ANGPT1: variants seen among roughly 807,000 people sequenced by gnomAD.
The protein encoded by ANGPT1 is angiopoietin 1.
In ANGPT1, 17 loss-of-function variants were observed where a neutral mutation model predicts 62.2. The ratio of observed to expected loss-of-function variants is 0.27; its 90% CI spans 0.19 to 0.41. The LOEUF (loss-of-function observed/expected upper bound fraction) is 0.41. Among genes scored for constraint, ANGPT1 ranks in the 10% least tolerant of loss-of-function variants. The pLI, the probability that ANGPT1 is intolerant of heterozygous loss-of-function variation, is 1.00. For missense variants in ANGPT1, 478 were observed against 594.9 expected (o/e 0.80, Z 2.04); for synonymous variants, 199 against 198.9 (o/e 1.00, Z 0.00).
At position 107,318,463 on chromosome 8, in the gene ANGPT1, G is replaced by A. The variant is rs564780010; in HGVS notation, c.808+3433C>T. Among the ~76,000 whole-genome samples the A allele has an allele frequency of 9.9e-5, 15 of 152,270 alleles. 1 individual carries two copies. In the South Asian group the frequency reaches 3.1e-3, roughly 32 times the overall value. Reference sequence around the variant, plus strand: ...CAAATGTTTGGGAAAAAAAGTACATGTCTAGCCAACACTTCCTAGGAATTC... The same window carrying A: ...CAAATGTTTGGGAAAAAAAGTACATATCTAGCCAACACTTCCTAGGAATTC... On this transcript the variant is annotated intron_variant, in intron 4 of 8. Transcript: ENST00000517746.
At chr8:107,264,468 C>T in intron 7 of ANGPT1, 117 bp from the exon 8 acceptor site, 2 of 1,289,132 alleles carry the variant, frequency 1.6e-6, no homozygotes, top group Non-Finnish European at 1.0e-6. Flanking sequence ...TTGAACTCAG[C>T]CCTTCCAACA....
At chr8:107,270,652 T>C (rs1813714207) in intron 7 of ANGPT1, among the ~76,000 whole-genome samples, 1 of 152,068 alleles carries the variant, frequency 6.6e-6, no homozygotes, top group African/African-American at 2.4e-5. Context: ...ATCCTGGAGA[T>C]ATATTCTATA....
At chr8:107,315,388 C>T (rs558701870) in intron 4 of ANGPT1, among the ~76,000 whole-genome samples, 1 of 152,114 alleles carries the variant, frequency 6.6e-6, no homozygotes, top group Non-Finnish European at 1.5e-5. Context: ...TGTCCTTTCA[C>T]ATTCAAGTTT....
At chr8:107,327,634 C>T (rs1815319929) in intron 3 of ANGPT1, among the ~76,000 whole-genome samples, 2 of 152,088 alleles carry the variant, frequency 1.3e-5, no homozygotes, top group African/African-American at 4.8e-5. Context: ...TGGAACAACA[C>T]TTTATGAAAC....
chr8:107,440,875 C>T (rs563342268), intron 1 of ANGPT1, among the ~76,000 whole-genome samples: 4 of 152,204 alleles, frequency 2.6e-5, no homozygotes, highest in Admixed American at 1.3e-4. Context: ...ATGTCATATG[C>T]TTAACTTAAA....
At chr8:107,473,877 G>C (rs148321023) in intron 1 of ANGPT1, among the ~76,000 whole-genome samples, 102 of 151,970 alleles carry the variant, frequency 6.7e-4, no homozygotes, top group African/African-American at 2.2e-3. Flanking sequence ...AAAGGGAACG[G>C]GAATGGAATG....
chr8:107,279,141 AGTG>A (rs1563547120), intron 7 of ANGPT1, among the ~76,000 whole-genome samples: 1 of 152,178 alleles, frequency 6.6e-6, no homozygotes, highest in African/African-American at 2.4e-5. Flanking sequence ...TTATTGTTGC[AGTG>A]GTGGTTGTGT....
At chr8:107,285,138 A>C (rs1008295683) in intron 6 of ANGPT1, among the ~76,000 whole-genome samples, 2 of 152,162 alleles carry the variant, frequency 1.3e-5, no homozygotes, top group Non-Finnish European at 2.9e-5. Context: ...CTGGAAAACA[A>C]TTCTCAATTC....
intron 1 of ANGPT1, among the ~76,000 whole-genome samples, chr8:107,391,430 G>A (rs1407528941): frequency 1.3e-5 from 2 of 152,222 alleles, no homozygotes; most frequent in Admixed American, 1.3e-4. Flanking sequence ...ACTTCTGGGG[G>A]CTGAAGGAGG....
intron 1 of ANGPT1, among the ~76,000 whole-genome samples, chr8:107,380,362 T>A (rs2130271627): frequency 1.6e-5 from 1 of 61,256 alleles, no homozygotes; most frequent in African/African-American, 7.0e-5. Context: ...AGGATGTTTG[T>A]GTGTGTGTGT....
chr8:107,458,495 A>C (rs1350719355), intron 1 of ANGPT1, among the ~76,000 whole-genome samples: 5 of 152,212 alleles, frequency 3.3e-5, no homozygotes, highest in Admixed American at 6.5e-5. Context: ...TTTCTAAACT[A>C]AAACAAAGAA....
chr8:107,494,335 A>G (rs1296216372), intron 1 of ANGPT1, among the ~76,000 whole-genome samples: 3 of 152,200 alleles, frequency 2.0e-5, no homozygotes, highest in Non-Finnish European at 4.4e-5. Context: ...GATCATAAGA[A>G]AGTGACAAAG....
At chr8:107,307,906 T>G (rs746569872) in intron 4 of ANGPT1, among the ~76,000 whole-genome samples, 4 of 152,100 alleles carry the variant, frequency 2.6e-5, no homozygotes, top group Non-Finnish European at 5.9e-5. Context: ...TGTTCCATAA[T>G]CTTTCCTTCC....
At chr8:107,313,201 T>C (rs1220505647) in intron 4 of ANGPT1, among the ~76,000 whole-genome samples, 1 of 152,138 alleles carries the variant, frequency 6.6e-6, no homozygotes, top group African/African-American at 2.4e-5. Context: ...CATTTGATAT[T>C]ACATTTGATA....
At chr8:107,386,680 G>A (rs1295251668) in intron 1 of ANGPT1, among the ~76,000 whole-genome samples, 1 of 152,042 alleles carries the variant, frequency 6.6e-6, no homozygotes, top group East Asian at 1.9e-4. Context: ...TTAATTGTAC[G>A]AATGATAATT....
At chr8:107,271,333 A>G (rs1484736297) in intron 7 of ANGPT1, among the ~76,000 whole-genome samples, 2 of 152,140 alleles carry the variant, frequency 1.3e-5, no homozygotes, top group Non-Finnish European at 2.9e-5. Flanking sequence ...TGCATGCAAA[A>G]TAAAGTAAGT....
chr8:107,385,905 C>T (rs1816723317), intron 1 of ANGPT1, among the ~76,000 whole-genome samples: 1 of 151,954 alleles, frequency 6.6e-6, no homozygotes, highest in Non-Finnish European at 1.5e-5. Context: ...TTTTTGTTTT[C>T]AGTTCTGTTG....
intron 4 of ANGPT1, among the ~76,000 whole-genome samples, chr8:107,320,489 G>C (rs1239175511): frequency 2.0e-5 from 3 of 152,088 alleles, no homozygotes; most frequent in Non-Finnish European, 4.4e-5. Context: ...TATGAGAATA[G>C]ATATAACTTG....
chr8:107,317,189 T>C (rs1815033896), intron 4 of ANGPT1, among the ~76,000 whole-genome samples: 1 of 152,364 alleles, frequency 6.6e-6, no homozygotes, highest in South Asian at 2.1e-4. Flanking sequence ...CTTTTTTCTC[T>C]CCTATCAAAC....
Sources: gnomAD v4.1 joint callset for allele counts (sites outside exome capture counted in the v4.1 genomes callset) on GRCh38, gnomAD v4.1.1 for gene constraint, MANE v1.5 for transcripts, NCBI Gene and HGNC (gene_info 2026-07-23, HGNC 2026-07-21) for gene names.